The following SLC2A13 variants were observed in gnomAD, a reference collection of about 807,000 sequenced individuals.
SLC2A13 encodes the protein proton myo-inositol cotransporter.
In SLC2A13, 32 loss-of-function variants were observed where a neutral mutation model predicts 64.4. The ratio of observed to expected loss-of-function variants is 0.50; its 90% CI spans 0.37 to 0.67. The LOEUF (loss-of-function observed/expected upper bound fraction) is 0.67. SLC2A13 is among the 30% of genes least tolerant of loss of function. The pLI, the probability that SLC2A13 is intolerant of heterozygous loss-of-function variation, is 0.00. For missense variants in SLC2A13, 743 were observed against 829.2 expected, an observed-to-expected ratio of 0.90 and a Z score of 1.28; for synonymous variants, 338 against 327.1, an observed-to-expected ratio of 1.03 and a Z score of -0.36.
At chr12:39,855,146 C>T (rs938420919) in intron 6 of SLC2A13, among the ~76,000 whole-genome samples, 2 of 152,122 alleles carry the variant, frequency 1.3e-5, no homozygotes, top group African/African-American at 4.8e-5. Flanking sequence ...GGTGTTGAAA[C>T]TATGGTATTA....
chr12:39,904,485 T>C (rs1262917007), intron 4 of SLC2A13, among the ~76,000 whole-genome samples: 1 of 152,160 alleles, frequency 6.6e-6, no homozygotes, highest in Non-Finnish European at 1.5e-5. Context: ...GTTTTCTGCA[T>C]ATTGCCTTTC....
intron 7 of SLC2A13, among the ~76,000 whole-genome samples, chr12:39,808,458 G>A (rs1008706772): frequency 2.0e-5 from 3 of 152,208 alleles, no homozygotes; most frequent in Admixed American, 2.0e-4. Flanking sequence ...TTGACTAAAT[G>A]TGTCATAATT....
In SLC2A13 at chr12:40,086,795, T is replaced by C. The variant is rs976317982; in HGVS notation, c.556+18458A>G. ...CCTCTAAACCAAGGGCAGATCAGGA[T>C]TGTTCCCTGGACCTAATACTGCAGT... On this transcript the variant is annotated intron_variant, in intron 1 of 9. Transcript: ENST00000280871. Among the ~76,000 whole-genome samples the C allele has an allele frequency of 2.0e-5, 3 of 152,230 alleles. No individual in the cohort carries two copies. In the South Asian group the frequency reaches 6.2e-4, roughly 32 times the overall value.
At chr12:40,009,611 T>G (rs1177342020) in intron 3 of SLC2A13, among the ~76,000 whole-genome samples, 1 of 152,052 alleles carries the variant, frequency 6.6e-6, no homozygotes, top group Non-Finnish European at 1.5e-5. Context: ...TTAAAAAACT[T>G]TTACAGAGAC....
At chr12:40,026,342 A>C (rs1435071456) in intron 3 of SLC2A13, among the ~76,000 whole-genome samples, 1 of 152,216 alleles carries the variant, frequency 6.6e-6, no homozygotes, top group Non-Finnish European at 1.5e-5. Flanking sequence ...GTAAAACAAA[A>C]CTGGGGAATA....
intron 3 of SLC2A13, among the ~76,000 whole-genome samples, chr12:39,969,364 G>A (rs1209163474): frequency 6.6e-6 from 1 of 152,168 alleles, no homozygotes; most frequent in Non-Finnish European, 1.5e-5. Flanking sequence ...AGATCCTTGA[G>A]GAATCGCCAC....
chr12:39,819,314 TAGAA>T (rs974000011), intron 7 of SLC2A13, among the ~76,000 whole-genome samples: 1 of 152,190 alleles, frequency 6.6e-6, no homozygotes, highest in Non-Finnish European at 1.5e-5. Context: ...ATTTATGTCA[TAGAA>T]AGTTAAACTA....
chr12:39,874,702 A>C (rs1944139386), intron 4 of SLC2A13, among the ~76,000 whole-genome samples: 1 of 152,088 alleles, frequency 6.6e-6, no homozygotes, highest in Non-Finnish European at 1.5e-5. Context: ...GGGGACTTGA[A>C]TGTAATGCTC....
At chr12:39,766,775 T>A (rs1473185850) in intron 7 of SLC2A13, among the ~76,000 whole-genome samples, 1 of 152,122 alleles carries the variant, frequency 6.6e-6, no homozygotes, top group Admixed American at 6.6e-5. Context: ...CAGAAACTAC[T>A]TTCTTTGTTC....
intron 4 of SLC2A13, among the ~76,000 whole-genome samples, chr12:39,907,044 C>G (rs932725704): frequency 3.3e-5 from 5 of 151,988 alleles, no homozygotes; most frequent in Non-Finnish European, 7.4e-5. Context: ...GCAAATTAAC[C>G]CATAAATCAA....
chr12:40,084,145 T>A lies in SLC2A13; in HGVS notation c.556+21108A>T, dbSNP rs186982434. Among the ~76,000 whole-genome samples the A allele has an allele frequency of 7.9e-5, 12 of 152,308 alleles. No individual in the cohort carries two copies. In the East Asian group the frequency reaches 2.3e-3, roughly 29 times the overall value. On this transcript the variant is annotated intron_variant, in intron 1 of 9. Transcript: ENST00000280871. The stretch of plus-strand genomic sequence containing the variant: ...TGTCTAATAAAAGATGAAGTACACA[T>A]CTGGCAGGGTAACTGCAAATCTATA...
At chr12:39,918,983 T>C (rs1945568080) in intron 4 of SLC2A13, among the ~76,000 whole-genome samples, 1 of 149,174 alleles carries the variant, frequency 6.7e-6, no homozygotes, top group Non-Finnish European at 1.5e-5. Flanking sequence ...TATCTATACA[T>C]TTTTTTTTTA....
At chr12:39,925,263 G>A (rs941450375) in intron 4 of SLC2A13, among the ~76,000 whole-genome samples, 10 of 151,962 alleles carry the variant, frequency 6.6e-5, no homozygotes, top group African/African-American at 2.4e-4. Flanking sequence ...CAAACTCCTA[G>A]GCTCAGGGAT....
chr12:39,827,930 T>C (rs1942739279), intron 7 of SLC2A13, among the ~76,000 whole-genome samples: 1 of 152,106 alleles, frequency 6.6e-6, no homozygotes, highest in South Asian at 2.1e-4. Flanking sequence ...TGGCTATGGA[T>C]TGCCTCAACA....
chr12:40,030,250 G>A (rs1016816006), intron 2 of SLC2A13, among the ~76,000 whole-genome samples: 5 of 152,070 alleles, frequency 3.3e-5, no homozygotes, highest in Admixed American at 6.5e-5. Context: ...CGTCTCTTCT[G>A]GAAGAGTCCT....
rs555307994 is a variant in SLC2A13, at chr12:39,887,673, C to T, written c.1035-15712G>A. Reference sequence around the variant, plus strand: ...GTGACCATCGCTTAGGTTAGTTATTCTAATTCCATGAGGAAATAGCCTATC... The same window carrying T: ...GTGACCATCGCTTAGGTTAGTTATTTTAATTCCATGAGGAAATAGCCTATC... On this transcript the variant is annotated intron_variant, in intron 4 of 9. Transcript: ENST00000280871. Among the ~76,000 whole-genome samples the T allele has an allele frequency of 3.9e-5, 6 of 152,220 alleles. No individual in the cohort carries two copies. In the South Asian group the frequency reaches 6.2e-4, roughly 16 times the overall value.
chr12:40,088,470 T>A (rs146340413), intron 1 of SLC2A13, among the ~76,000 whole-genome samples: 1 of 152,328 alleles, frequency 6.6e-6, no homozygotes, highest in East Asian at 1.9e-4. Flanking sequence ...CCAGTCATCA[T>A]AATGGCTACC....
At chr12:39,990,207 T>C (rs1287569968) in intron 3 of SLC2A13, among the ~76,000 whole-genome samples, 3 of 152,220 alleles carry the variant, frequency 2.0e-5, no homozygotes, top group Non-Finnish European at 4.4e-5. Flanking sequence ...TATTTACTTC[T>C]TTATTTCTCA....
At chr12:40,010,944 G>A (rs1056927017) in intron 3 of SLC2A13, among the ~76,000 whole-genome samples, 6 of 152,144 alleles carry the variant, frequency 3.9e-5, no homozygotes, top group African/African-American at 1.2e-4. Context: ...AGTTGGTTTG[G>A]TAAGTGTGAG....
Sources: gnomAD v4.1 joint callset for allele counts (sites outside exome capture counted in the v4.1 genomes callset) on GRCh38, gnomAD v4.1.1 for gene constraint, MANE v1.5 for transcripts, NCBI Gene and HGNC (gene_info 2026-07-23, HGNC 2026-07-21) for gene names.